Variants in CNOT2 observed in about 807,000 individuals in gnomAD.
CNOT2 encodes the protein CC chemokine receptor 4-negative regulator of transcription 2.
CNOT2 carries 7 observed loss-of-function variants against 72.1 expected under a neutral mutation model. The observed-to-expected ratio is 0.10, with a 90% CI of 0.06 to 0.18. The LOEUF (loss-of-function observed/expected upper bound fraction) is 0.18, where lower values mean the gene tolerates loss of function less well. CNOT2 is among the 10% of genes least tolerant of loss of function. CNOT2 has a pLI of 1.00. For missense variants in CNOT2, 345 were observed against 660.3 expected (o/e 0.52, Z 5.23); for synonymous variants, 196 against 225.6 (o/e 0.87, Z 1.17).
At chr12:70,311,303 A>AT (rs1311495006) in intron 3 of CNOT2, among the ~76,000 whole-genome samples, 6 of 151,918 alleles carry the variant, frequency 3.9e-5, no homozygotes, top group South Asian at 2.1e-4. Context: ...TAGATCACTG[A>AT]TTTTTTTTGT....
chr12:70,292,380 G>A (rs1183653856), intron 2 of CNOT2, among the ~76,000 whole-genome samples: 1 of 152,152 alleles, frequency 6.6e-6, no homozygotes, highest in African/African-American at 2.4e-5. Context: ...CTAAGGAAAT[G>A]TAAAACTAAA....
At chr12:70,288,598 C>A (rs918012422) in intron 2 of CNOT2, among the ~76,000 whole-genome samples, 1 of 152,126 alleles carries the variant, frequency 6.6e-6, no homozygotes, top group African/African-American at 2.4e-5. Context: ...GCAGGTTCAG[C>A]TGTACACTTA....
intron 1 of CNOT2, among the ~76,000 whole-genome samples, chr12:70,249,943 A>G (rs1337563109): frequency 6.6e-6 from 1 of 152,040 alleles, no homozygotes; most frequent in African/African-American, 2.4e-5. Flanking sequence ...CTGGCCTGAA[A>G]TTAGAAAAAA....
intron 2 of CNOT2, among the ~76,000 whole-genome samples, chr12:70,302,703 G>C (rs1252444090): frequency 7.1e-6 from 1 of 140,078 alleles, no homozygotes; most frequent in Non-Finnish European, 1.6e-5. Context: ...TTGATTTGGG[G>C]TGGAGAGTTC....
At position 70,354,213 on chromosome 12, in the gene CNOT2, C is replaced by T. The variant is rs1883222822; in HGVS notation, c.*298C>T. On this transcript the variant is annotated 3_prime_UTR_variant, in exon 16 of 16. Coordinates refer to ENST00000229195, the MANE Select transcript of CNOT2 (RefSeq NM_014515.7). The stretch of plus-strand genomic sequence containing the variant: ...TTGAGTCTGTAAAGACAAGCAAATA[C>T]ACTGACAGAAGTTTACCATAGTTTC... The T allele has an allele frequency of 2.8e-6, 1 of 351,194 alleles. No homozygotes were observed. The highest frequency in any genetic ancestry group is 4.9e-6 in the Non-Finnish European group (1 of 203,074). The allele number at this position is 351,194 out of a possible 1,614,324, so 21.8% of individuals were successfully genotyped here.
At chr12:70,285,600 T>G (rs1385774438) in intron 2 of CNOT2, 5 of 150,342 alleles carry the variant, frequency 3.3e-5, no homozygotes, top group African/African-American at 7.3e-5. Context: ...AGTTTTTTGT[T>G]TTTTTTTTTA....
intron 2 of CNOT2, among the ~76,000 whole-genome samples, chr12:70,307,505 C>T (rs998549645): frequency 2.0e-5 from 3 of 152,082 alleles, no homozygotes; most frequent in African/African-American, 4.8e-5. Flanking sequence ...ACGGGACCAC[C>T]GTTGTATATA....
At chr12:70,296,484 C>T (rs1294484123) in intron 2 of CNOT2, among the ~76,000 whole-genome samples, 8 of 151,936 alleles carry the variant, frequency 5.3e-5, no homozygotes, top group African/African-American at 1.4e-4. Flanking sequence ...TCCATGCTAT[C>T]GATTTGATGA....
At chr12:70,257,567 C>T (rs1441215028) in intron 1 of CNOT2, among the ~76,000 whole-genome samples, 1 of 151,474 alleles carries the variant, frequency 6.6e-6, no homozygotes. Context: ...TGGGGTTTCA[C>T]CGTGTTAGCC....
At chr12:70,258,040 T>C (rs1397371079) in intron 1 of CNOT2, among the ~76,000 whole-genome samples, 1 of 152,228 alleles carries the variant, frequency 6.6e-6, no homozygotes, top group Non-Finnish European at 1.5e-5. Flanking sequence ...TAAAAACTTG[T>C]ATTTTTTGGC....
chr12:70,346,374 A>G (rs942152029), intron 15 of CNOT2, 50 bp downstream of exon 15: 11 of 1,478,160 alleles, frequency 7.4e-6, no homozygotes, highest in Non-Finnish European at 9.4e-6. Flanking sequence ...TGAAAAAAGA[A>G]GTGTCCTCTT....
At chr12:70,274,982 G>A (rs1038806999) in intron 1 of CNOT2, among the ~76,000 whole-genome samples, 13 of 152,022 alleles carry the variant, frequency 8.6e-5, no homozygotes, top group Admixed American at 8.5e-4. Context: ...ACTGGTTTTG[G>A]TGTGAACCTG....
At chr12:70,268,607 G>A (rs1959159670) in intron 1 of CNOT2, among the ~76,000 whole-genome samples, 1 of 151,076 alleles carries the variant, frequency 6.6e-6, no homozygotes, top group South Asian at 2.1e-4. Flanking sequence ...GTGCCATCAC[G>A]CTCAGCTTAT....
At chr12:70,330,560 C>T (rs954466757) in intron 6 of CNOT2, 91 bp downstream of exon 6, 1 of 778,156 alleles carries the variant, frequency 1.3e-6, no homozygotes, top group African/African-American at 1.8e-5. Flanking sequence ...TGAGGTGTGG[C>T]TTCTCTCTAA....
intron 14 of CNOT2, 199 bp downstream of exon 14, chr12:70,344,427 A>AT (rs1199662417): frequency 8.5e-6 from 4 of 470,728 alleles, no homozygotes; most frequent in Non-Finnish European, 1.1e-5. Flanking sequence ...CCTAAAAAGA[A>AT]TTTCAAACTT....
At chr12:70,287,296 AT>A (rs1190398150) in intron 2 of CNOT2, among the ~76,000 whole-genome samples, 1 of 149,354 alleles carries the variant, frequency 6.7e-6, no homozygotes, top group Admixed American at 6.9e-5. Context: ...CTTACTAGTG[AT>A]TCGTCAGTTT....
At chr12:70,247,389 C>CA (rs1957929513) in intron 1 of CNOT2, among the ~76,000 whole-genome samples, 1 of 152,140 alleles carries the variant, frequency 6.6e-6, no homozygotes, top group African/African-American at 2.4e-5. Context: ...CTCCTGACCT[C>CA]AGACGATCCG....
chr12:70,334,733 G>A (rs757970848), intron 7 of CNOT2: 1 of 151,954 alleles, frequency 6.6e-6, no homozygotes, highest in Non-Finnish European at 1.5e-5. Context: ...AACTTAAAAT[G>A]AACAAAAATA....
At chr12:70,267,932 T>A (rs1194310132) in intron 1 of CNOT2, among the ~76,000 whole-genome samples, 3 of 152,260 alleles carry the variant, frequency 2.0e-5, no homozygotes, top group Non-Finnish European at 4.4e-5. Context: ...TTAGTTACAA[T>A]GGAGACTGTT....
Sources: gnomAD v4.1 joint callset for allele counts (sites outside exome capture counted in the v4.1 genomes callset) on GRCh38, gnomAD v4.1.1 for gene constraint, MANE v1.5 for transcripts, NCBI Gene and HGNC (gene_info 2026-07-23, HGNC 2026-07-21) for gene names.